PHF3: variants seen among roughly 807,000 people sequenced by gnomAD.
PHF3 encodes the protein PHD finger protein 3.
Under a neutral mutation model 178.4 loss-of-function variants are expected in PHF3, and 41 were observed. The observed-to-expected ratio is 0.23, with a 90% CI of 0.18 to 0.30. The LOEUF (loss-of-function observed/expected upper bound fraction) is 0.30, where lower values mean the gene tolerates loss of function less well. PHF3 is among the 10% of genes least tolerant of loss of function. The probability of loss-of-function intolerance (pLI) is 1.00; values close to 1 mark genes in which losing one functional copy is unlikely to be tolerated. For missense variants in PHF3, 2,346 were observed against 2,398.1 expected (o/e 0.98, Z 0.45); for synonymous variants, 842 against 800.5 (o/e 1.05, Z -0.88).
At position 63,722,506 on chromosome 6, in the gene PHF3, A is replaced by C. The variant is rs1768440086; in HGVS notation, c.*8798A>C. ...GAAATAGGAACAAATACCATCCAGC[A>C]TCTGAAGTTGCAATGAGGCATTCAG... On this transcript the variant is annotated 3_prime_UTR_variant, in exon 16 of 16. Transcript: ENST00000262043. Among the ~76,000 whole-genome samples the C allele has an allele frequency of 6.6e-6, 1 of 152,208 alleles. No homozygotes were observed.
chr6:63,685,324 A>C lies in PHF3; in HGVS notation c.1602A>C (p.Val534=), dbSNP rs1229201547. ...AAAGTGTGAAACGAAATACTGATGTACCAGAATCTCAGCAAAATTTTCATA... is the reference window on the plus strand; with the variant it reads ...AAAGTGTGAAACGAAATACTGATGTCCCAGAATCTCAGCAAAATTTTCATA... ...NVKSVKRNTD[V]PESQQNFHRP... is the part of the protein sequence containing the mutation. The change falls in exon 4 of 16, where the codon GTA becomes GTC. Residue 534 remains valine, a synonymous_variant. Transcript: ENST00000262043. 6.2e-7 allele frequency: 1 copy of C among 1,614,122 alleles called. No homozygotes were observed. Among genetic ancestry groups the C allele is most frequent in the Non-Finnish European group, 8.5e-7 (1 of 1,179,978 alleles).
Position 63,713,690 on chromosome 6 carries a change from A to G in PHF3, c.6102A>G (p.Arg2034=). 2 of 1,561,400 alleles carry G rather than the reference A, an allele frequency of 1.3e-6. No individual in the cohort carries two copies. Reference sequence around the variant, plus strand: ...ACAAAGATAGGGACCACACTGACAGAACTAAAAGCAAAAGGTAAAATTTGC... The same window carrying G: ...ACAAAGATAGGGACCACACTGACAGGACTAAAAGCAAAAGGTAAAATTTGC... ...RYHKDRDHTD[R]TKSKR is the part of the protein sequence containing the mutation. Residue 2034 remains arginine (R), a synonymous_variant, in exon 16 of 16, where the codon AGA becomes AGG. Coordinates refer to ENST00000262043, the MANE Select transcript of PHF3 (RefSeq NM_001370348.2).
chr6:63,720,854 G>T lies in PHF3; in HGVS notation c.*7146G>T. ...CGGAAAGAATTAGACTGTTATTTAT[G>T]TAGGCCTTGATAAGAGTCTGATTTT... On this transcript the variant is annotated 3_prime_UTR_variant, in exon 16 of 16. Transcript: ENST00000262043. 1 of 1,551,164 alleles carries T rather than the reference G, an allele frequency of 6.4e-7. No homozygotes were observed. The highest frequency in any genetic ancestry group is 8.7e-7 in the Non-Finnish European group (1 of 1,146,624).
rs772155927 is a variant in PHF3, at chr6:63,698,309, T to C, written c.2767T>C (p.Ser923Pro). ...VHPAASASKP[S>P]ADQIRQSVRH... Reference sequence around the variant, plus strand: ...TCCTGCTGCTTCTGCTTCCAAGCCTTCTGCAGATCAGATCAGGCAAAGTGT... The same window carrying C: ...TCCTGCTGCTTCTGCTTCCAAGCCTCCTGCAGATCAGATCAGGCAAAGTGT... Residue 923 changes from serine (S) to proline (P), a missense_variant, in exon 7 of 16, where the codon TCT becomes CCT. By Grantham distance (74) the Ser-to-Pro change is moderately conservative. Coordinates refer to ENST00000262043, the MANE Select transcript of PHF3 (RefSeq NM_001370348.2). 6.2e-7 allele frequency: 1 copy of C among 1,612,912 alleles called. No individual in the cohort carries two copies. Among genetic ancestry groups the C allele is most frequent in the Non-Finnish European group, 8.5e-7 (1 of 1,179,128 alleles).
intron 5 of PHF3, among the ~76,000 whole-genome samples, chr6:63,693,529 C>T (rs1394666817): frequency 2.0e-5 from 3 of 152,186 alleles, no homozygotes; most frequent in Admixed American, 6.5e-5. Flanking sequence ...GCAGGAGAAT[C>T]GCTTGAACCT....
rs1202053192 is a variant in PHF3, at chr6:63,716,973, T to C, written c.*3265T>C. Among the ~76,000 whole-genome samples, 1 of 152,092 alleles carries C rather than the reference T, an allele frequency of 6.6e-6. No homozygotes were observed. On this transcript the variant is annotated 3_prime_UTR_variant, in exon 16 of 16. Coordinates refer to ENST00000262043, the MANE Select transcript of PHF3 (RefSeq NM_001370348.2). The stretch of plus-strand genomic sequence containing the variant: ...AACATATTTACAGGTGTTCCAAGGA[T>C]TGGGGTGTAGACATCTTTTGGGGGA...
chr6:63,649,079 CTTA>C (rs1239445446), intron 2 of PHF3, among the ~76,000 whole-genome samples: 6 of 148,520 alleles, frequency 4.0e-5, no homozygotes, highest in African/African-American at 9.9e-5. Context: ...AAAAAGAAAT[CTTA>C]TTTATTTATT....
At chr6:63,705,395 G>A (rs1223585669) in intron 11 of PHF3, among the ~76,000 whole-genome samples, 1 of 152,226 alleles carries the variant, frequency 6.6e-6, no homozygotes, top group Non-Finnish European at 1.5e-5. Context: ...CTCACAGCAG[G>A]AGGTGAGCGG....
intron 1 of PHF3, among the ~76,000 whole-genome samples, chr6:63,642,433 A>G (rs1001798955): frequency 1.3e-5 from 2 of 152,210 alleles, no homozygotes; most frequent in Non-Finnish European, 2.9e-5. Context: ...AGATGGGTTC[A>G]TTTCACTAGA....
At chr6:63,681,920 CTGT>C (rs1766456936) in intron 3 of PHF3, among the ~76,000 whole-genome samples, 1 of 152,000 alleles carries the variant, frequency 6.6e-6, no homozygotes, top group African/African-American at 2.4e-5. Flanking sequence ...TCTGGCTGTA[CTGT>C]TGTTTGGCAG....
At chr6:63,662,257 CAA>C (rs1289345834) in intron 2 of PHF3, among the ~76,000 whole-genome samples, 4 of 152,110 alleles carry the variant, frequency 2.6e-5, no homozygotes, top group African/African-American at 9.7e-5. Flanking sequence ...AAATTTTCCT[CAA>C]AAAGTTATTT....
chr6:63,687,730 T>G (rs932154303), intron 4 of PHF3, among the ~76,000 whole-genome samples: 5 of 152,232 alleles, frequency 3.3e-5, no homozygotes, highest in African/African-American at 1.2e-4. Context: ...TAATGATGAC[T>G]CATGCTTCAC....
In PHF3 at chr6:63,719,042, T is replaced by G. The variant is rs1287098799; in HGVS notation, c.*5334T>G. On this transcript the variant is annotated 3_prime_UTR_variant, in exon 16 of 16. Transcript: ENST00000262043. ...GGTTTCCGTTAAAAAAACAAACCTT[T>G]GAATCAATGTGTAAACATTCTGCAA... 6.6e-6 allele frequency among the ~76,000 whole-genome samples: 1 copy of G among 152,044 alleles called. No individual in the cohort carries two copies. The highest frequency in any genetic ancestry group is 2.4e-5 in the African/African-American group (1 of 41,448).
intron 4 of PHF3, among the ~76,000 whole-genome samples, chr6:63,687,593 A>C (rs919856851): frequency 5.3e-5 from 8 of 152,202 alleles, no homozygotes; most frequent in Admixed American, 3.9e-4. Context: ...TAGGTGCCTT[A>C]AGTAAATGAA....
Position 63,685,496 on chromosome 6 carries a change from T to C in PHF3, c.1774T>C (p.Leu592=). ...DQTLVQIFKP[L]THSLSDKSHA... ...AACTTTAGTACAAATTTTCAAGCCC[T>C]TAACTCATTCTTTGAGTGATAAGTC... The change falls in exon 4 of 16, where the codon TTA becomes CTA. Residue 592 remains leucine (L), a synonymous_variant. Coordinates refer to ENST00000262043, the MANE Select transcript of PHF3 (RefSeq NM_001370348.2). 1 of 1,614,126 alleles carries C rather than the reference T, an allele frequency of 6.2e-7. No homozygotes were observed.
rs1214878608 is a variant in PHF3, at chr6:63,725,106, ATTT to A, written c.*11401_*11403del. ...CTAGGTTTAAGCATGTAGAACTTAT[ATTT>A]TTAATATTTAAAAATTTTCATGATT... On this transcript the variant is annotated 3_prime_UTR_variant, in exon 16 of 16. Coordinates refer to ENST00000262043, the MANE Select transcript of PHF3 (RefSeq NM_001370348.2). 6.6e-6 allele frequency among the ~76,000 whole-genome samples: 1 copy of A among 152,170 alleles called. No individual in the cohort carries two copies. Among genetic ancestry groups the A allele is most frequent in the Non-Finnish European group, 1.5e-5 (1 of 67,984 alleles).
intron 6 of PHF3, among the ~76,000 whole-genome samples, chr6:63,696,612 A>G (rs1043886500): frequency 5.3e-5 from 8 of 152,256 alleles, no homozygotes; most frequent in African/African-American, 1.4e-4. Context: ...GAGCCATTGA[A>G]CCTGGCCATC....
rs1382689922 is a variant in PHF3, at chr6:63,722,815, C to T, written c.*9107C>T. On this transcript the variant is annotated 3_prime_UTR_variant, in exon 16 of 16. Transcript: ENST00000262043. ...ATTCTCCATTGTGGTCTATACCAAG[C>T]CATTCTAGACTGGTTGGAATGTTTG... 6.6e-6 allele frequency among the ~76,000 whole-genome samples: 1 copy of T among 152,206 alleles called. No homozygotes were observed. Among genetic ancestry groups the T allele is most frequent in the African/African-American group, 2.4e-5 (1 of 41,450 alleles).
intron 2 of PHF3, among the ~76,000 whole-genome samples, chr6:63,657,634 A>G (rs963248538): frequency 6.6e-6 from 1 of 152,116 alleles, no homozygotes; most frequent in Admixed American, 6.6e-5. Flanking sequence ...GAGGAAGAAC[A>G]GGGGCTAGTG....
Sources: allele counts gnomAD v4.1 joint callset (sites outside exome capture counted in the v4.1 genomes callset), GRCh38; gene constraint gnomAD v4.1.1; transcripts MANE v1.5; gene names NCBI Gene and HGNC (gene_info 2026-07-23, HGNC 2026-07-21).